GALK2: variants seen among roughly 807,000 people sequenced by gnomAD.
GALK2 encodes N-acetylgalactosamine kinase.
A neutral mutation model predicts 52.4 loss-of-function variants in GALK2; 36 were observed. The ratio of observed to expected loss-of-function variants is 0.69; its 90% CI spans 0.53 to 0.91. The LOEUF (loss-of-function observed/expected upper bound fraction) is 0.91, where lower values mean the gene tolerates loss of function less well. GALK2 is among the 40% of genes least tolerant of loss of function. The probability of loss-of-function intolerance (pLI) is 0.00; values close to 1 mark genes in which losing one functional copy is unlikely to be tolerated. For missense variants in GALK2, 579 were observed against 559.1 expected (o/e 1.04, Z -0.36); for synonymous variants, 176 against 199.1 (o/e 0.88, Z 0.98).
At chr15:49,155,967 C>A (rs373537285) in exon 1 of GALK2, 29 of 1,613,446 alleles carry the variant, frequency 1.8e-5, no homozygotes, top group African/African-American at 2.7e-5. Context: ...CAGCTTAGGA[C>A]CAGAAGCCTT....
At chr15:49,308,890 G>A (rs1004802915) in intron 8 of GALK2, among the ~76,000 whole-genome samples, 2 of 152,224 alleles carry the variant, frequency 1.3e-5, no homozygotes, top group East Asian at 1.9e-4. Flanking sequence ...AGCAGCCATA[G>A]TTTTGGCTAC....
At chr15:49,314,742 T>C (rs891413334) in intron 8 of GALK2, among the ~76,000 whole-genome samples, 4 of 152,150 alleles carry the variant, frequency 2.6e-5, no homozygotes, top group East Asian at 3.8e-4. Context: ...CAGGAAAATA[T>C]TGGATGGTGA....
At chr15:49,186,627 C>T (rs2086366000) in intron 1 of GALK2, among the ~76,000 whole-genome samples, 1 of 151,150 alleles carries the variant, frequency 6.6e-6, no homozygotes, top group Non-Finnish European at 1.5e-5. Flanking sequence ...GCAACCTCCG[C>T]CTCCCGGGTT....
chr15:49,255,976 C>T, intron 5 of GALK2, among the ~76,000 whole-genome samples: 1 of 152,186 alleles, frequency 6.6e-6, no homozygotes, highest in East Asian at 1.9e-4. Context: ...TTGGAATAAA[C>T]TGTTTGAGAT....
chr15:49,334,243 C>G, downstream of GALK2: 2 of 984,394 alleles, frequency 2.0e-6, no homozygotes, highest in Non-Finnish European at 2.4e-6. Flanking sequence ...TCAATTCTTT[C>G]CTGCTGCTGT....
intron 8 of GALK2, among the ~76,000 whole-genome samples, chr15:49,309,950 T>C (rs191432951): frequency 2.0e-5 from 3 of 152,288 alleles, no homozygotes; most frequent in Non-Finnish European, 4.4e-5. Flanking sequence ...TTGTTAACTG[T>C]AGTCACTCTA....
chr15:49,162,866 T>C (rs138010950), intron 1 of GALK2, among the ~76,000 whole-genome samples: 14 of 152,312 alleles, frequency 9.2e-5, no homozygotes, highest in Admixed American at 3.9e-4. Context: ...CCTTCCCCAG[T>C]TGAGCCTCAA....
exon 4 of GALK2, chr15:49,367,587 G>A: frequency 6.3e-7 from 1 of 1,596,584 alleles, no homozygotes; most frequent in Non-Finnish European, 8.5e-7. Context: ...TTAAACTCTG[G>A]ACCAGTACTA....
rs190966743 is a variant in GALK2, at chr15:49,364,100, G to T, written c.427-3391G>T. Among the ~76,000 whole-genome samples the T allele has an allele frequency of 5.9e-5, 9 of 152,234 alleles. No homozygotes were observed. In the East Asian group the frequency reaches 1.7e-3, roughly 29 times the overall value. On this transcript the variant is annotated intron_variant, in intron 3 of 3. Coordinates refer to the GALK2 transcript ENST00000558399. The stretch of plus-strand genomic sequence containing the variant: ...TCTTTTTTTATTGTGTCTATGCCAG[G>T]TTTTGATATTAGGATGATGCTGGCC...
chr15:49,170,156 A>T (rs1468965770), upstream of GALK2: 65 of 1,443,984 alleles, frequency 4.5e-5, 1 homozygote, highest in South Asian at 8.7e-4. Context: ...GAGCCAGAGG[A>T]GGGGCCGATT....
chr15:49,325,580 A>G (rs988346970), intron 9 of GALK2, among the ~76,000 whole-genome samples: 48 of 152,266 alleles, frequency 3.2e-4, no homozygotes, highest in African/African-American at 1.0e-3. Context: ...GGAACACTGC[A>G]GACAGACCTT....
intron 1 of GALK2, among the ~76,000 whole-genome samples, chr15:49,193,736 T>A (rs1454878457): frequency 2.0e-5 from 3 of 150,072 alleles, no homozygotes; most frequent in African/African-American, 4.9e-5. Context: ...TTATTTTTAT[T>A]TTTTTTTTTG....
intron 5 of GALK2, among the ~76,000 whole-genome samples, chr15:49,265,687 C>T (rs1451564197): frequency 2.0e-5 from 3 of 152,208 alleles, no homozygotes; most frequent in Non-Finnish European, 2.9e-5. Context: ...AGCTGTAGAG[C>T]GGAGCTGTTC....
chr15:49,269,691 A>G (rs933981761), intron 5 of GALK2, among the ~76,000 whole-genome samples: 3 of 152,138 alleles, frequency 2.0e-5, no homozygotes, highest in Non-Finnish European at 2.9e-5. Flanking sequence ...CCCTCTCCCT[A>G]TGTGCATTTT....
At chr15:49,169,337 G>A (rs1186191705), upstream of GALK2, among the ~76,000 whole-genome samples, 4 of 151,816 alleles carry the variant, frequency 2.6e-5, no homozygotes, top group Non-Finnish European at 5.9e-5. Flanking sequence ...TATTTCTGAG[G>A]TGCAAAGTGC....
At chr15:49,163,096 A>G (rs2084708374) in intron 1 of GALK2, among the ~76,000 whole-genome samples, 1 of 152,202 alleles carries the variant, frequency 6.6e-6, no homozygotes, top group South Asian at 2.1e-4. Context: ...ACCATTTTGC[A>G]TATCCAACAG....
intron 2 of GALK2, among the ~76,000 whole-genome samples, chr15:49,216,250 C>A (rs1309108303): frequency 1.3e-5 from 2 of 152,108 alleles, no homozygotes; most frequent in African/African-American, 4.8e-5. Context: ...CTTTAGTGAG[C>A]AGGTGAATCC....
chr15:49,201,086 G>GTGTA, intron 1 of GALK2, 76 bp from the exon 2 acceptor site: 1 of 678,628 alleles, frequency 1.5e-6, no homozygotes, highest in East Asian at 2.8e-5. Context: ...GTGTGTGTGT[G>GTGTA]TATGTATGTG....
chr15:49,205,152 C>T (rs2088165470), intron 2 of GALK2, among the ~76,000 whole-genome samples: 1 of 150,192 alleles, frequency 6.7e-6, no homozygotes, highest in Non-Finnish European at 1.5e-5. Flanking sequence ...ATACCAATGA[C>T]ATATAGTGGC....
Sources: gnomAD v4.1 joint callset for allele counts (sites outside exome capture counted in the v4.1 genomes callset) on GRCh38, gnomAD v4.1.1 for gene constraint, MANE v1.5 for transcripts, NCBI Gene and HGNC (gene_info 2026-07-23, HGNC 2026-07-21) for gene names.